Variants in SHANK2 observed in about 807,000 individuals in gnomAD.
The protein encoded by SHANK2 is SH3 and multiple ankyrin repeat domains protein 2.
A neutral mutation model predicts 133.7 loss-of-function variants in SHANK2; 43 were observed. That is an observed-to-expected ratio of 0.32 (90% CI 0.25 to 0.41). SHANK2 has a LOEUF of 0.41. Among genes scored for constraint, SHANK2 ranks in the 10% least tolerant of loss-of-function variants. The pLI is 1.00. For missense variants in SHANK2, 1,994 were observed against 2,235.8 expected (o/e 0.89, Z 2.18); for synonymous variants, 1,017 against 952.8 (o/e 1.07, Z -1.24).
rs1479383497 is a variant in SHANK2 at position 70,479,695 on chromosome 11, C to G, written c.4979+5619G>C. ...CCCCCACAAGCACACACTCACTGCTCTGTTGCCCCCACATACAGAGCAAAT... is the reference window on the plus strand; with the variant it reads ...CCCCCACAAGCACACACTCACTGCTGTGTTGCCCCCACATACAGAGCAAAT... On this transcript the variant is annotated intron_variant, in intron 25 of 25. Transcript: ENST00000601538. The surrounding 1 kb of genome is among the most constrained non-coding windows in gnomAD (Gnocchi z 4.4). 1.3e-5 allele frequency among the ~76,000 whole-genome samples: 2 copies of G among 152,266 alleles called. No homozygotes were observed. The highest frequency in any genetic ancestry group is 2.9e-5 in the Non-Finnish European group (2 of 68,048).
intron 14 of SHANK2, among the ~76,000 whole-genome samples, chr11:70,784,364 T>TTTTTTTTTTG (rs1947598711): frequency 1.5e-5 from 2 of 133,482 alleles, no homozygotes; most frequent in African/African-American, 3.3e-5. Context: ...TTTTTTTTTT[T>TTTTTTTTTTG]TTTTTTTTTT....
intron 2 of SHANK2, among the ~76,000 whole-genome samples, chr11:71,199,027 C>T (rs551637688): frequency 5.6e-4 from 85 of 152,204 alleles, no homozygotes; most frequent in Non-Finnish European, 1.1e-3. Flanking sequence ...GAGGCGTATT[C>T]AATGATGTGG....
chr11:71,239,767 A>G (rs1161320324), intron 1 of SHANK2, among the ~76,000 whole-genome samples: 5 of 152,090 alleles, frequency 3.3e-5, no homozygotes, highest in Non-Finnish European at 7.4e-5. Flanking sequence ...GAGCCACCAT[A>G]CCTGGCCAAG....
intron 11 of SHANK2, among the ~76,000 whole-genome samples, chr11:70,866,713 A>G (rs1949364447): frequency 6.6e-6 from 1 of 152,176 alleles, no homozygotes; most frequent in South Asian, 2.1e-4. Flanking sequence ...ACAAGTCAAC[A>G]AATAGGAGAT....
chr11:71,152,421 C>A (rs1414725246), intron 2 of SHANK2, among the ~76,000 whole-genome samples: 1 of 152,148 alleles, frequency 6.6e-6, no homozygotes, highest in Non-Finnish European at 1.5e-5. Context: ...GCCAGAAATT[C>A]ACTGTTTTTA....
chr11:70,654,981 C>T (rs1476783906), intron 17 of SHANK2, among the ~76,000 whole-genome samples: 7 of 152,060 alleles, frequency 4.6e-5, no homozygotes, highest in Non-Finnish European at 7.4e-5. Context: ...ATTGGCCAGG[C>T]TGGTCTCGAA....
chr11:71,112,773 G>T (rs1951910522), intron 5 of SHANK2, among the ~76,000 whole-genome samples: 1 of 152,066 alleles, frequency 6.6e-6, no homozygotes, highest in South Asian at 2.1e-4. Flanking sequence ...AGACAGCAGG[G>T]TGTTCATGGT....
chr11:70,655,767 C>A (rs1188147105), intron 17 of SHANK2, among the ~76,000 whole-genome samples: 1 of 152,100 alleles, frequency 6.6e-6, no homozygotes, highest in East Asian at 1.9e-4. Flanking sequence ...GTGTTTGGGT[C>A]GAGGAGACTT....
Position 71,110,900 on chromosome 11 carries a change from G to A in SHANK2, c.484-851C>T, listed in dbSNP as rs560489530. Among the ~76,000 whole-genome samples the A allele has an allele frequency of 2.9e-4, 44 of 152,384 alleles. No individual in the cohort carries two copies. In the South Asian group the frequency reaches 8.3e-3, roughly 29 times the overall value. On this transcript the variant is annotated intron_variant, in intron 5 of 25. Coordinates refer to ENST00000601538, the MANE Select transcript of SHANK2 (RefSeq NM_012309.5). ...TGGAGAGGTGAGGCCTTTGGGAGGT[G>A]ACGAAGTCAGGAGGATGAAGCCCTC...
intron 17 of SHANK2, among the ~76,000 whole-genome samples, chr11:70,628,753 C>T (rs1308747360): frequency 2.0e-5 from 3 of 152,198 alleles, no homozygotes; most frequent in African/African-American, 7.2e-5. Context: ...GAGGGGCTGC[C>T]GAAGTTTCGG....
At chr11:70,577,376 G>A (rs1252031374) in intron 17 of SHANK2, among the ~76,000 whole-genome samples, 2 of 152,230 alleles carry the variant, frequency 1.3e-5, no homozygotes, top group Admixed American at 6.5e-5. Flanking sequence ...CTCCTTGGTG[G>A]AGCCACTTCA....
In SHANK2 at chr11:70,487,092, C is replaced by T; in HGVS notation, c.3201G>A (p.Arg1067=). The part of the protein sequence containing the change: ...PQAPEPPSQL[R]PDESLTVSSP... ...TGCTGACGGTCAGGCTTTCGTCAGG[C>T]CGCAGCTGGCTCGGTGGCTCCGGGG... The change falls in exon 25 of 26, where the codon CGG becomes CGA. Residue 1067 remains arginine, a synonymous_variant. Coordinates refer to ENST00000601538, the MANE Select transcript of SHANK2 (RefSeq NM_012309.5). The surrounding 1 kb of genome is among the most constrained non-coding windows in gnomAD (Gnocchi z 5.8). 2 of 1,610,546 alleles carry T rather than the reference C, an allele frequency of 1.2e-6. No homozygotes were observed. Among genetic ancestry groups the T allele is most frequent in the Non-Finnish European group, 8.5e-7 (1 of 1,179,930 alleles).
At chr11:70,572,469 GT>G (rs1272622251) in intron 17 of SHANK2, among the ~76,000 whole-genome samples, 1 of 152,134 alleles carries the variant, frequency 6.6e-6, no homozygotes, top group Non-Finnish European at 1.5e-5. Flanking sequence ...CACCCCTGCT[GT>G]TTTGAAGCCC....
chr11:70,709,008 C>T (rs1253011690), intron 14 of SHANK2, among the ~76,000 whole-genome samples: 2 of 152,146 alleles, frequency 1.3e-5, no homozygotes, highest in Admixed American at 1.3e-4. Context: ...GCTAGGAGTT[C>T]AAGACCAGCC....
intron 9 of SHANK2, among the ~76,000 whole-genome samples, 188 bp from the exon 10 acceptor site, chr11:71,056,746 CCAAA>C (rs1950926678): frequency 6.6e-6 from 1 of 151,820 alleles, no homozygotes; most frequent in Admixed American, 6.6e-5. Flanking sequence ...CCAACTATGG[CCAAA>C]CAATTTCACT....
intron 1 of SHANK2, among the ~76,000 whole-genome samples, chr11:71,241,365 G>A (rs1054172528): frequency 3.3e-5 from 5 of 152,070 alleles, no homozygotes; most frequent in Admixed American, 2.6e-4. Flanking sequence ...TCAAGGCAAA[G>A]CTTCCAGCGA....
At chr11:70,704,162 G>A (rs1555024424) in intron 14 of SHANK2, among the ~76,000 whole-genome samples, 1 of 152,252 alleles carries the variant, frequency 6.6e-6, no homozygotes, top group African/African-American at 2.4e-5. Flanking sequence ...GAGACCCAGA[G>A]AGACGGGCGA....
chr11:70,851,181 C>T (rs1465056861), intron 11 of SHANK2, among the ~76,000 whole-genome samples: 1 of 82,332 alleles, frequency 1.2e-5, no homozygotes, highest in South Asian at 6.8e-4. Flanking sequence ...CAGAGCCTTG[C>T]AGAACAAGAA....
chr11:70,687,984 G>A (rs1591750825), intron 15 of SHANK2, among the ~76,000 whole-genome samples: 1 of 152,338 alleles, frequency 6.6e-6, no homozygotes, highest in East Asian at 1.9e-4. Context: ...TCCCTGTGGT[G>A]AGGAACTCAG....
Sources: allele counts gnomAD v4.1 joint callset (sites outside exome capture counted in the v4.1 genomes callset), GRCh38; gene constraint gnomAD v4.1.1; non-coding constraint Gnocchi (gnomAD v3.1); transcripts MANE v1.5; gene names NCBI Gene and HGNC (gene_info 2026-07-23, HGNC 2026-07-21).